ZNF69: variants seen among roughly 807,000 people sequenced by gnomAD.
ZNF69 encodes the protein ZNF3.
A neutral mutation model predicts 50.9 loss-of-function variants in ZNF69; 47 were observed. The observed-to-expected ratio is 0.92, with a 90% CI of 0.73 to 1.18. ZNF69 has a LOEUF of 1.18. ZNF69 is among the 50% of genes most tolerant of loss of function. The pLI, the probability that ZNF69 is intolerant of heterozygous loss-of-function variation, is 0.00. For missense variants in ZNF69, 717 were observed against 675.1 expected, an observed-to-expected ratio of 1.06 and a Z score of -0.69; for synonymous variants, 216 against 223.1, an observed-to-expected ratio of 0.97 and a Z score of 0.29.
Position 11,906,045 on chromosome 19 carries a change from C to T in ZNF69, c.1648C>T (p.Arg550Ter), listed in dbSNP as rs776761001. 1.9e-5 allele frequency: 31 copies of T among 1,613,146 alleles called. No individual in the cohort carries two copies. The highest frequency in any genetic ancestry group is 4.5e-5 in the East Asian group (2 of 44,876). The change falls in exon 4 of 4, where the codon CGA (arginine) becomes TGA (stop). Residue 550 changes from arginine to a stop codon, truncating the protein, a stop_gained. Transcript: ENST00000429654. LOFTEE classifies it high-confidence loss of function. ...GKAFRAASVLRMHGRTHPEDK... is the reference protein window; with the variant it reads ...GKAFRAASVL Reference sequence around the variant, plus strand: ...AGCCTTCAGAGCTGCCTCAGTCCTTCGAATGCATGGTAGGACTCACCCTGA... The same window carrying T: ...AGCCTTCAGAGCTGCCTCAGTCCTTTGAATGCATGGTAGGACTCACCCTGA...
chr19:11,968,487 CT>C, the ZNF69 span, among the ~76,000 whole-genome samples: 2 of 152,180 alleles, frequency 1.3e-5, no homozygotes, highest in Non-Finnish European at 2.9e-5. Flanking sequence ...AACAGTCCTC[CT>C]TCCTTGGCCT....
At chr19:11,908,190 C>G (rs1047410877), downstream of ZNF69, among the ~76,000 whole-genome samples, 6 of 152,192 alleles carry the variant, frequency 3.9e-5, no homozygotes, top group East Asian at 1.2e-3. Context: ...TAGAGACCTA[C>G]AAAGAGACTT....
chr19:11,914,644 A>G (rs1397884976), downstream of ZNF69, among the ~76,000 whole-genome samples: 4 of 152,184 alleles, frequency 2.6e-5, no homozygotes, highest in Non-Finnish European at 5.9e-5. Flanking sequence ...GCAACATGGA[A>G]AAGTTTCTTT....
chr19:11,896,938 A>T (rs945524652), intron 1 of ZNF69, among the ~76,000 whole-genome samples: 2 of 152,184 alleles, frequency 1.3e-5, no homozygotes, highest in Admixed American at 1.3e-4. Flanking sequence ...TTAAGGACAC[A>T]TGACATTTTT....
the ZNF69 span, chr19:11,925,252 T>C: frequency 6.2e-7 from 1 of 1,612,764 alleles, no homozygotes; most frequent in Non-Finnish European, 8.5e-7. Flanking sequence ...AGGACCCCGG[T>C]ACATCTGAAA....
the ZNF69 span, among the ~76,000 whole-genome samples, chr19:11,973,996 TG>T: frequency 6.6e-6 from 1 of 152,170 alleles, no homozygotes; most frequent in Admixed American, 6.5e-5. Context: ...TGTCAGTGTT[TG>T]GGATTTAGGC....
downstream of ZNF69, among the ~76,000 whole-genome samples, chr19:11,909,031 G>A (rs1275606615): frequency 6.6e-6 from 1 of 152,034 alleles, no homozygotes; most frequent in African/African-American, 2.4e-5. Context: ...CCATCAGAGA[G>A]TACTATAAAT....
At position 11,905,660 on chromosome 19, in the gene ZNF69, T is replaced by C. The variant is rs766633384; in HGVS notation, c.1263T>C (p.Cys421=). The C allele has an allele frequency of 1.2e-6, 2 of 1,613,592 alleles. No homozygotes were observed. Among genetic ancestry groups the C allele is most frequent in the African/African-American group, 2.7e-5 (2 of 74,766 alleles). The change falls in exon 4 of 4, where the codon TGT becomes TGC. Residue 421 remains cysteine (C), a synonymous_variant. Coordinates refer to ENST00000429654, the MANE Select transcript of ZNF69 (RefSeq NM_001364730.1). ...TGEKPYECKQ[C]GKAFRSSSHL... is the part of the protein sequence containing the mutation. The stretch of plus-strand genomic sequence containing the variant: ...AGAAACCCTATGAGTGTAAGCAATG[T>C]GGGAAGGCCTTCAGATCTTCCTCAC...
the ZNF69 span, among the ~76,000 whole-genome samples, chr19:11,937,724 A>T: frequency 7.9e-5 from 12 of 151,884 alleles, no homozygotes; most frequent in Non-Finnish European, 1.8e-4. Flanking sequence ...TCCTGACCTC[A>T]TGATCTGCCT....
At chr19:11,941,494 G>A in the ZNF69 span, among the ~76,000 whole-genome samples, 3 of 152,204 alleles carry the variant, frequency 2.0e-5, no homozygotes, top group Non-Finnish European at 2.9e-5. Flanking sequence ...CGGTGGGCTG[G>A]CACTACTGGG....
In ZNF69 at chr19:11,905,843, A is replaced by C. The variant is rs146776928; in HGVS notation, c.1446A>C (p.Leu482=). ...GAGAAAGACCTTATAAATGTAAGCT[A>C]TGTGGGAAAGGCTTTTATTGTCCCA... ...HSGERPYKCK[L]CGKGFYCPKS... Residue 482 remains leucine (L), a synonymous_variant, in exon 4 of 4, where the codon CTA becomes CTC. Transcript: ENST00000429654. 7.3e-5 allele frequency: 118 copies of C among 1,614,096 alleles called. No homozygotes were observed. In the African/African-American group the frequency reaches 1.4e-3, roughly 19 times the overall value.
the ZNF69 span, among the ~76,000 whole-genome samples, chr19:11,951,374 G>A: frequency 9.3e-5 from 14 of 151,246 alleles, no homozygotes; most frequent in East Asian, 4.0e-4. Flanking sequence ...GACTACAGGC[G>A]TGCCCCACCT....
chr19:11,909,086 T>C (rs1426351569), downstream of ZNF69, among the ~76,000 whole-genome samples: 1 of 152,100 alleles, frequency 6.6e-6, no homozygotes, highest in African/African-American at 2.4e-5. Context: ...AATGGATAAA[T>C]TCCTGGACAC....
At chr19:11,941,516 A>C in the ZNF69 span, among the ~76,000 whole-genome samples, 3 of 152,142 alleles carry the variant, frequency 2.0e-5, no homozygotes, top group African/African-American at 7.2e-5. Context: ...GACCCAGTAC[A>C]CCCTCTGCAG....
chr19:11,950,681 AAAC>A, the ZNF69 span: 1 of 272,190 alleles, frequency 3.7e-6, no homozygotes, highest in African/African-American at 2.3e-5. Context: ...TAATTAATGT[AAAC>A]AATTATCATA....
the ZNF69 span, chr19:11,925,099 G>GTCGCTTTCC: frequency 1.6e-6 from 2 of 1,264,484 alleles, no homozygotes; most frequent in Admixed American, 4.1e-5. Context: ...AATGGAGGGG[G>GTCGCTTTCC]TCGCTTTCCT....
At position 11,905,543 on chromosome 19, in the gene ZNF69, C is replaced by A. The variant is rs1411215150; in HGVS notation, c.1146C>A (p.His382Gln). 1 of 1,613,850 alleles carries A rather than the reference C, an allele frequency of 6.2e-7. No individual in the cohort carries two copies. The highest frequency in any genetic ancestry group is 8.5e-7 in the Non-Finnish European group (1 of 1,179,984). Residue 382 changes from histidine to glutamine, a missense_variant, in exon 4 of 4, where the codon CAC (histidine) becomes CAA (glutamine). By Grantham distance (24) the His-to-Gln change is conservative. Transcript: ENST00000429654. ...ANSFQRHEKT[H>Q]SGEKPYKCKQ... ...CATTTCAAAGACATGAAAAAACTCA[C>A]AGTGGAGAGAAACCCTATAAATGCA... is the stretch of plus-strand genomic sequence containing the variant.
chr19:11,897,885 AAG>A (rs1972161727), intron 1 of ZNF69, among the ~76,000 whole-genome samples: 1 of 151,496 alleles, frequency 6.6e-6, no homozygotes. Context: ...AAAAAAAAAA[AAG>A]AAAAGAAAAG....
the ZNF69 span, among the ~76,000 whole-genome samples, chr19:11,929,310 T>C: frequency 6.8e-6 from 1 of 148,034 alleles, no homozygotes; most frequent in Non-Finnish European, 1.5e-5. Context: ...ATTACAGACA[T>C]GTGCCACCAC....
Sources: gnomAD v4.1 joint callset for allele counts (sites outside exome capture counted in the v4.1 genomes callset) on GRCh38, gnomAD v4.1.1 for gene constraint, MANE v1.5 for transcripts, NCBI Gene and HGNC (gene_info 2026-07-23, HGNC 2026-07-21) for gene names.